Variants in FABP12 observed in about 807,000 individuals in gnomAD.
The protein encoded by FABP12 is fatty acid-binding protein 12.
In FABP12, 19 loss-of-function variants were observed where a neutral mutation model predicts 13.7. The ratio of observed to expected loss-of-function variants is 1.39; its 90% CI spans 0.97 to 2.04. FABP12 has a LOEUF of 2.04. Among genes scored for constraint, FABP12 ranks in the 30% most tolerant of loss-of-function variants. FABP12 has a pLI of 0.00. For synonymous variants in FABP12, 61 were observed against 57.0 expected (o/e 1.07, Z -0.32); for missense variants, 182 against 164.2 (o/e 1.11, Z -0.59).
intron 1 of FABP12, among the ~76,000 whole-genome samples, chr8:81,586,017 C>T (rs182915902): frequency 6.6e-6 from 1 of 152,246 alleles, no homozygotes. Flanking sequence ...CAAGTAGGCC[C>T]TGGTGTCTAT....
intron 1 of FABP12, among the ~76,000 whole-genome samples, chr8:81,542,790 A>T (rs1275570303): frequency 2.0e-5 from 3 of 152,226 alleles, no homozygotes; most frequent in African/African-American, 7.2e-5. Context: ...CTTGTTGCTG[A>T]TGAACTGAGA....
At chr8:81,571,435 G>A (rs1015019335) in intron 1 of FABP12, among the ~76,000 whole-genome samples, 2 of 152,218 alleles carry the variant, frequency 1.3e-5, no homozygotes, top group African/African-American at 4.8e-5. Context: ...GAAGACGTGG[G>A]GCACAGGGGA....
At chr8:81,580,367 C>T (rs1810137207) in intron 1 of FABP12, among the ~76,000 whole-genome samples, 2 of 152,116 alleles carry the variant, frequency 1.3e-5, no homozygotes, top group African/African-American at 4.8e-5. Flanking sequence ...TAGATGAACT[C>T]TATTTTACTT....
upstream of FABP12, among the ~76,000 whole-genome samples, chr8:81,535,647 C>T (rs1042049257): frequency 6.6e-6 from 1 of 152,112 alleles, no homozygotes; most frequent in Non-Finnish European, 1.5e-5. Flanking sequence ...TAATTCAGAC[C>T]CGAGGCTGTC....
At chr8:81,535,713 CAG>C (rs1809204990), upstream of FABP12, among the ~76,000 whole-genome samples, 1 of 152,184 alleles carries the variant, frequency 6.6e-6, no homozygotes, top group African/African-American at 2.4e-5. Context: ...TAAACGATAA[CAG>C]ATCTCCTTTG....
chr8:81,546,221 T>C lies in FABP12; in HGVS notation c.-184-6478A>G, dbSNP rs185288120. On this transcript the variant is annotated intron_variant, in intron 1 of 5. Transcript: ENST00000692030. ...ACGTGATCTGTTTCTTGCCAATCAA[T>C]TTCAGAAAAGAGATGAAAACCTGAA... Among the ~76,000 whole-genome samples, 3 of 152,314 alleles carry C rather than the reference T, an allele frequency of 2.0e-5. No homozygotes were observed. The East Asian group carries it at 5.8e-4, about 29-fold the overall frequency.
intron 3 of FABP12, among the ~76,000 whole-genome samples, chr8:81,527,328 G>A (rs1808930037): frequency 6.6e-6 from 1 of 152,094 alleles, no homozygotes; most frequent in Non-Finnish European, 1.5e-5. Context: ...GAGTAAAACT[G>A]TAATATTATC....
chr8:81,588,928 G>T (rs1019304789), intron 1 of FABP12, among the ~76,000 whole-genome samples: 3 of 152,124 alleles, frequency 2.0e-5, no homozygotes, highest in African/African-American at 7.2e-5. Context: ...TGAATCACGG[G>T]AGCTTTAAAG....
chr8:81,583,267 TAAAC>T (rs1810195094), intron 1 of FABP12, among the ~76,000 whole-genome samples: 1 of 151,794 alleles, frequency 6.6e-6, no homozygotes, highest in African/African-American at 2.4e-5. Context: ...ATATTTCAAA[TAAAC>T]AATCTAACAA....
chr8:81,578,921 C>T (rs534461662), intron 1 of FABP12, among the ~76,000 whole-genome samples: 23 of 149,266 alleles, frequency 1.5e-4, no homozygotes, highest in African/African-American at 4.5e-4. Flanking sequence ...GCCTCCCTCC[C>T]GGGTTCACGC....
intron 1 of FABP12, among the ~76,000 whole-genome samples, chr8:81,540,853 C>G (rs1394462030): frequency 6.6e-6 from 1 of 151,954 alleles, no homozygotes; most frequent in Non-Finnish European, 1.5e-5. Flanking sequence ...CTCTGTAAAC[C>G]AAAAATTATT....
At chr8:81,566,191 A>T (rs903061776) in intron 1 of FABP12, among the ~76,000 whole-genome samples, 1 of 152,112 alleles carries the variant, frequency 6.6e-6, no homozygotes, top group African/African-American at 2.4e-5. Context: ...TCCAGCAAAG[A>T]ATGCCATCAG....
At chr8:81,562,502 A>T (rs1809741933) in intron 1 of FABP12, among the ~76,000 whole-genome samples, 1 of 152,130 alleles carries the variant, frequency 6.6e-6, no homozygotes, top group Non-Finnish European at 1.5e-5. Context: ...TGGCTCTTGG[A>T]TGTCATTTCT....
chr8:81,575,149 G>A (rs1159561640), intron 1 of FABP12, among the ~76,000 whole-genome samples: 1 of 152,062 alleles, frequency 6.6e-6, no homozygotes, highest in Non-Finnish European at 1.5e-5. Context: ...TTGATAGGTT[G>A]TGTCATTATT....
intron 1 of FABP12, among the ~76,000 whole-genome samples, chr8:81,552,099 G>A (rs1809531704): frequency 1.3e-5 from 2 of 152,106 alleles, no homozygotes; most frequent in South Asian, 4.1e-4. Context: ...GGGTACGAGG[G>A]AAACTCAACA....
intron 1 of FABP12, among the ~76,000 whole-genome samples, chr8:81,540,885 A>G (rs1215791835): frequency 6.6e-6 from 1 of 152,022 alleles, no homozygotes; most frequent in Non-Finnish European, 1.5e-5. Context: ...AAACAAATCA[A>G]GGCCAGGCAC....
At chr8:81,560,814 CTG>C in intron 1 of FABP12, among the ~76,000 whole-genome samples, 1 of 152,312 alleles carries the variant, frequency 6.6e-6, no homozygotes, top group South Asian at 2.1e-4. Flanking sequence ...AGCAAGGACG[CTG>C]TGACATTAAA....
intron 1 of FABP12, among the ~76,000 whole-genome samples, chr8:81,574,198 C>T (rs570610899): frequency 2.8e-3 from 420 of 152,220 alleles, no homozygotes; most frequent in Non-Finnish European, 4.0e-3. Flanking sequence ...TTTTCTGCAT[C>T]TACTGAGATG....
At chr8:81,529,746 G>A in intron 2 of FABP12, 136 bp from the exon 3 acceptor site, 1 of 808,036 alleles carries the variant, frequency 1.2e-6, no homozygotes, top group Non-Finnish European at 1.9e-6. Flanking sequence ...TAACTAGGAG[G>A]TTTGCGAATT....
Sources: allele counts gnomAD v4.1 joint callset (sites outside exome capture counted in the v4.1 genomes callset), GRCh38; gene constraint gnomAD v4.1.1; transcripts MANE v1.5; gene names NCBI Gene and HGNC (gene_info 2026-07-23, HGNC 2026-07-21).